PKD1L1: variants seen among roughly 807,000 people sequenced by gnomAD.
PKD1L1 encodes polycystin-1-like protein 1.
A neutral mutation model predicts 323.4 loss-of-function variants in PKD1L1; 236 were observed. The observed-to-expected ratio is 0.73, with a 90% CI of 0.66 to 0.81. The LOEUF (loss-of-function observed/expected upper bound fraction) is 0.81. PKD1L1 is among the 40% of genes least tolerant of loss of function. The pLI is 0.00. For missense variants in PKD1L1, 3,320 were observed against 3,508.0 expected (o/e 0.95, Z 1.35); for synonymous variants, 1,344 against 1,335.0 (o/e 1.01, Z -0.15).
chr7:47,898,076 G>A lies in PKD1L1; in HGVS notation c.2183C>T (p.Ser728Phe), dbSNP rs1300294193. ...NLMDSEGLPV[S>F]LPAAVDTHRQ... is the part of the protein sequence containing the mutation. Reference sequence around the variant, plus strand: ...GTGAGTGTCCACAGCAGCAGGGAGGGAGACAGGGAGCCCTTCAGAGTCCAT... The same window carrying A: ...GTGAGTGTCCACAGCAGCAGGGAGGAAGACAGGGAGCCCTTCAGAGTCCAT... The change falls in exon 14 of 57, where the codon TCC (serine) becomes TTC (phenylalanine). Residue 728 changes from serine (S) to phenylalanine (F), a missense_variant. Ser to Phe is a radical substitution (Grantham distance 155). Coordinates refer to ENST00000289672, the MANE Select transcript of PKD1L1 (RefSeq NM_138295.5). 2.5e-6 allele frequency: 4 copies of A among 1,614,044 alleles called. No individual in the cohort carries two copies. The highest frequency in any genetic ancestry group is 3.4e-6 in the Non-Finnish European group (4 of 1,180,040).
chr7:47,852,125 T>C (rs1049355898), intron 31 of PKD1L1, among the ~76,000 whole-genome samples: 2 of 152,160 alleles, frequency 1.3e-5, no homozygotes, highest in African/African-American at 4.8e-5. Context: ...GCCTGCAACT[T>C]TCTCTCTAAC....
chr7:47,928,045 G>C (rs1184246222), intron 7 of PKD1L1, among the ~76,000 whole-genome samples: 1 of 152,144 alleles, frequency 6.6e-6, no homozygotes, highest in East Asian at 1.9e-4. Context: ...GTCTAGATAT[G>C]GATATGCATT....
chr7:47,935,461 A>G (rs1787849283), intron 4 of PKD1L1, among the ~76,000 whole-genome samples: 1 of 152,238 alleles, frequency 6.6e-6, no homozygotes, highest in South Asian at 2.1e-4. Flanking sequence ...GAAAAACAAC[A>G]GACCTGGGCC....
At chr7:47,900,587 G>A (rs1447219022) in intron 13 of PKD1L1, among the ~76,000 whole-genome samples, 2 of 152,142 alleles carry the variant, frequency 1.3e-5, no homozygotes, top group African/African-American at 4.8e-5. Context: ...AATTAGCTGG[G>A]TGTGGTGGTG....
chr7:47,865,426 G>A (rs1438364493), intron 25 of PKD1L1, among the ~76,000 whole-genome samples, 154 bp from the exon 26 acceptor site: 1 of 152,160 alleles, frequency 6.6e-6, no homozygotes, highest in Non-Finnish European at 1.5e-5. Context: ...CTTCTGTACA[G>A]AGACCATTAC....
intron 53 of PKD1L1, among the ~76,000 whole-genome samples, chr7:47,801,270 C>A (rs1784656722): frequency 6.6e-6 from 1 of 152,172 alleles, no homozygotes; most frequent in Non-Finnish European, 1.5e-5. Flanking sequence ...ATGTCCCCCG[C>A]ACCTGGCCAG....
chr7:47,866,774 ACT>A (rs1682761521), intron 24 of PKD1L1, among the ~76,000 whole-genome samples, 160 bp from the exon 25 acceptor site: 1 of 152,172 alleles, frequency 6.6e-6, no homozygotes, highest in South Asian at 2.1e-4. Context: ...TGCAACGGAA[ACT>A]CTAAAAAGAC....
intron 45 of PKD1L1, among the ~76,000 whole-genome samples, chr7:47,823,016 A>C (rs1348103908): frequency 6.6e-6 from 1 of 151,340 alleles, no homozygotes; most frequent in Non-Finnish European, 1.5e-5. Flanking sequence ...TTGCCATTAG[A>C]TGGTTTTATT....
At chr7:47,829,389 A>C (rs1288072349) in intron 44 of PKD1L1, 36 bp downstream of exon 44, 5 of 1,543,650 alleles carry the variant, frequency 3.2e-6, no homozygotes, top group Non-Finnish European at 4.4e-6. Context: ...TAGTTTTTTA[A>C]ATCTCAATTT....
chr7:47,823,146 C>T (rs1785180249), intron 45 of PKD1L1, among the ~76,000 whole-genome samples: 1 of 152,136 alleles, frequency 6.6e-6, no homozygotes, highest in African/African-American at 2.4e-5. Context: ...TGTTTGATAT[C>T]TTAAAAAACA....
At chr7:47,948,338 T>A in intron 1 of PKD1L1, 59 bp downstream of exon 1, 1 of 1,594,350 alleles carries the variant, frequency 6.3e-7, no homozygotes, top group Non-Finnish European at 8.6e-7. Context: ...AAAGAAAATT[T>A]CTGAATGCAT....
intron 8 of PKD1L1, among the ~76,000 whole-genome samples, chr7:47,910,826 T>TTGTGTGTGTGTGTGTG (rs60550498): frequency 0.054 from 6,826 of 125,984 alleles, 283 homozygotes; most frequent in African/African-American, 0.08. Context: ...CCAGCTGATT[T>TTGTGTGTGTGTGTGTG]TGTGTGTGTG....
chr7:47,959,932 G>A, the PKD1L1 span, among the ~76,000 whole-genome samples: 1 of 151,862 alleles, frequency 6.6e-6, no homozygotes, highest in Admixed American at 6.5e-5. Context: ...TAGAAAGGGG[G>A]GAAAGGCGGG....
intron 24 of PKD1L1, among the ~76,000 whole-genome samples, chr7:47,870,738 C>T (rs6977548): frequency 0.32 from 48,852 of 151,758 alleles, 8,353 homozygotes; most frequent in African/African-American, 0.43. Flanking sequence ...GCGGCACACA[C>T]TTGTTATCCC....
intron 30 of PKD1L1, 26 bp from the exon 31 acceptor site, chr7:47,853,253 T>G (rs1785821183): frequency 6.8e-7 from 1 of 1,464,868 alleles, no homozygotes; most frequent in Non-Finnish European, 9.5e-7. Context: ...AAAATAGGGA[T>G]TTCTCATTTT....
chr7:47,862,633 T>TA (rs1411919920), intron 26 of PKD1L1, among the ~76,000 whole-genome samples: 1 of 152,092 alleles, frequency 6.6e-6, no homozygotes, highest in Non-Finnish European at 1.5e-5. Flanking sequence ...TAATAATAAT[T>TA]ACCTTCAGAT....
chr7:47,890,516 G>A (rs1310284379), intron 16 of PKD1L1, 26 bp downstream of exon 16: 3 of 1,605,254 alleles, frequency 1.9e-6, no homozygotes, highest in Admixed American at 1.7e-5. Flanking sequence ...GGTGAGCTGA[G>A]CTGTGCTGAA....
At chr7:47,879,477 C>CA (rs1477375826) in intron 21 of PKD1L1, among the ~76,000 whole-genome samples, 3 of 151,700 alleles carry the variant, frequency 2.0e-5, no homozygotes, top group Admixed American at 6.6e-5. Context: ...ACTAAAAATA[C>CA]AAAAAATTAG....
At chr7:47,920,602 G>T (rs532862067) in intron 7 of PKD1L1, among the ~76,000 whole-genome samples, 1 of 152,090 alleles carries the variant, frequency 6.6e-6, no homozygotes, top group African/African-American at 2.4e-5. Context: ...TAAGCAAAAA[G>T]AACAAATCTG....
Sources: gnomAD v4.1 joint callset for allele counts (sites outside exome capture counted in the v4.1 genomes callset) on GRCh38, gnomAD v4.1.1 for gene constraint, MANE v1.5 for transcripts, NCBI Gene and HGNC (gene_info 2026-07-23, HGNC 2026-07-21) for gene names.